TFB1M: variants seen among roughly 807,000 people sequenced by gnomAD.
TFB1M encodes transcription factor B1, mitochondrial.
Under a neutral mutation model 31.1 loss-of-function variants are expected in TFB1M, and 27 were observed. The observed-to-expected ratio is 0.87, with a 90% confidence interval of 0.64 to 1.20. The LOEUF (loss-of-function observed/expected upper bound fraction) is 1.20, where lower values mean the gene tolerates loss of function less well. Ranked by LOEUF, TFB1M falls within the 50% of genes most tolerant of loss-of-function variation. The probability of loss-of-function intolerance (pLI) is 0.00; values close to 1 mark genes in which losing one functional copy is unlikely to be tolerated. For missense variants in TFB1M, 394 were observed against 418.7 expected (o/e 0.94, Z 0.51); for synonymous variants, 166 against 151.8 (o/e 1.09, Z -0.69).
rs1176253924 is a variant in TFB1M, at chr6:155,310,962, G to GT, written c.285+225dup. 2.5e-5 allele frequency: 14 copies of GT among 558,608 alleles called. 1 individual carries two copies. Among genetic ancestry groups the GT allele is most frequent in the South Asian group, 1.6e-4 (7 of 44,748 alleles). The allele number at this position is 558,608 out of a possible 1,614,324, so 34.6% of individuals were successfully genotyped here. ...TGTTTAGCATAAATGCTTAAAGCAGGTTTTTTTCAAGGTGTAGTCAATAGA... is the reference window on the plus strand; with the variant it reads ...TGTTTAGCATAAATGCTTAAAGCAGGTTTTTTTTCAAGGTGTAGTCAATAGA... On this transcript the variant is annotated intron_variant, in intron 2 of 6. Transcript: ENST00000367166.
intron 5 of TFB1M, chr6:155,276,608 T>A: frequency 2.2e-6 from 1 of 446,568 alleles, no homozygotes; most frequent in Non-Finnish European, 3.9e-6. Context: ...ACTTAAAGAT[T>A]TATAATTGAA....
intron 4 of TFB1M, among the ~76,000 whole-genome samples, chr6:155,286,540 T>C (rs866278283): frequency 2.8e-5 from 4 of 143,498 alleles, no homozygotes; most frequent in Middle Eastern, 7.3e-3. Flanking sequence ...TATATACATG[T>C]GTATATATGT....
intron 4 of TFB1M, among the ~76,000 whole-genome samples, chr6:155,293,324 G>T (rs540682763): frequency 1.3e-5 from 2 of 151,994 alleles, no homozygotes; most frequent in Non-Finnish European, 2.9e-5. Flanking sequence ...GCTGATTTTT[G>T]ATCTGACCAT....
intron 4 of TFB1M, among the ~76,000 whole-genome samples, chr6:155,287,551 A>AGTGTGTGT (rs150032717): frequency 0.25 from 37,370 of 147,442 alleles, 4,820 homozygotes; most frequent in Admixed American, 0.35. Flanking sequence ...ATTTACTCTG[A>AGTGTGTGT]GTGTGTGTGT....
chr6:155,230,467 AC>A, the TFB1M span, among the ~76,000 whole-genome samples: 1 of 150,508 alleles, frequency 6.6e-6, no homozygotes, highest in African/African-American at 2.4e-5. Context: ...TTTCCGTAGG[AC>A]CCCCCACTTT....
intron 2 of TFB1M, among the ~76,000 whole-genome samples, chr6:155,305,210 AAT>A (rs1185072673): frequency 4.0e-4 from 19 of 47,658 alleles, no homozygotes; most frequent in Admixed American, 1.2e-3. Flanking sequence ...ATATATATTA[AAT>A]TATATATTTA....
At chr6:155,290,742 G>T (rs930320629) in intron 4 of TFB1M, among the ~76,000 whole-genome samples, 1 of 152,034 alleles carries the variant, frequency 6.6e-6, no homozygotes, top group African/African-American at 2.4e-5. Context: ...ATAGTATTTT[G>T]TATCTCTATT....
At chr6:155,255,610 A>T (rs1783949960), downstream of TFB1M, 1 of 119,664 alleles carries the variant, frequency 8.4e-6, no homozygotes, top group Non-Finnish European at 1.8e-5. Flanking sequence ...ATCCAAGAGA[A>T]CAGAACTACA....
chr6:155,250,801 A>C, the TFB1M span: 1 of 1,248,362 alleles, frequency 8.0e-7, no homozygotes, highest in Non-Finnish European at 1.2e-6. Flanking sequence ...CATAAAAATT[A>C]AACCAGCTGT....
the TFB1M span, among the ~76,000 whole-genome samples, chr6:155,235,438 T>C: frequency 6.6e-6 from 1 of 152,208 alleles, no homozygotes; most frequent in Non-Finnish European, 1.5e-5. Context: ...CATATATGCA[T>C]GTGAAGATAT....
chr6:155,289,378 C>T (rs894319358), intron 4 of TFB1M, among the ~76,000 whole-genome samples: 1 of 152,204 alleles, frequency 6.6e-6, no homozygotes, highest in South Asian at 2.1e-4. Context: ...CCTGTAACTA[C>T]TCCATGACCT....
intron 4 of TFB1M, among the ~76,000 whole-genome samples, chr6:155,292,529 G>C (rs1776977895): frequency 6.6e-6 from 1 of 152,058 alleles, no homozygotes; most frequent in African/African-American, 2.4e-5. Flanking sequence ...ATGTAGTACT[G>C]GGGCTCAACG....
chr6:155,282,125 C>G (rs1318837401), intron 5 of TFB1M, among the ~76,000 whole-genome samples: 9 of 152,158 alleles, frequency 5.9e-5, no homozygotes, highest in South Asian at 4.1e-4. Flanking sequence ...AACTTAAAAG[C>G]TACATACTAC....
intron 5 of TFB1M, among the ~76,000 whole-genome samples, chr6:155,282,813 C>T (rs561590159): frequency 1.2e-3 from 179 of 152,046 alleles, no homozygotes; most frequent in African/African-American, 4.0e-3. Context: ...CTGCAAGCTC[C>T]GCCTCCCGGG....
At chr6:155,251,282 A>ATCTTTT (rs376138659), downstream of TFB1M, among the ~76,000 whole-genome samples, 19 of 152,110 alleles carry the variant, frequency 1.2e-4, no homozygotes, top group African/African-American at 2.4e-4. Flanking sequence ...GAAACCTGCT[A>ATCTTTT]TCTTTTTCTT....
chr6:155,247,868 G>T, the TFB1M span: 1 of 1,171,592 alleles, frequency 8.5e-7, no homozygotes, highest in African/African-American at 1.5e-5. Flanking sequence ...CCACTGATGT[G>T]TTGGGGTTTT....
At chr6:155,242,278 G>A in the TFB1M span, among the ~76,000 whole-genome samples, 1 of 152,322 alleles carries the variant, frequency 6.6e-6, no homozygotes, top group South Asian at 2.1e-4. Flanking sequence ...CTTGGCACCT[G>A]TTGTGATTCA....
chr6:155,265,068 C>T (rs944177432), intron 5 of TFB1M, among the ~76,000 whole-genome samples: 3 of 152,234 alleles, frequency 2.0e-5, no homozygotes, highest in Admixed American at 1.3e-4. Flanking sequence ...CCACAAACCA[C>T]GCCCTTGGTG....
At chr6:155,279,582 T>G (rs1785397750) in intron 5 of TFB1M, among the ~76,000 whole-genome samples, 1 of 152,200 alleles carries the variant, frequency 6.6e-6, no homozygotes, top group Non-Finnish European at 1.5e-5. Flanking sequence ...CTCATATGTC[T>G]TTCATCACTA....
Sources: allele counts gnomAD v4.1 joint callset (sites outside exome capture counted in the v4.1 genomes callset), GRCh38; gene constraint gnomAD v4.1.1; transcripts MANE v1.5; gene names NCBI Gene and HGNC (gene_info 2026-07-23, HGNC 2026-07-21).